The following SH3RF3 variants were observed in gnomAD, a reference collection of about 807,000 sequenced individuals.
SH3RF3 encodes SH3 domain containing ring finger 3, also known as E3 ubiquitin-protein ligase SH3RF3.
SH3RF3 carries 29 observed loss-of-function variants against 66.3 expected under a neutral mutation model. The observed-to-expected ratio is 0.44, with a 90% CI of 0.33 to 0.60. SH3RF3 has a LOEUF of 0.60. Among genes scored for constraint, SH3RF3 ranks in the 20% least tolerant of loss-of-function variants. SH3RF3 has a pLI of 0.04. For synonymous variants in SH3RF3, 583 were observed against 532.0 expected, an observed-to-expected ratio of 1.10 and a Z score of -1.32; for missense variants, 1,194 against 1,190.9, an observed-to-expected ratio of 1.00 and a Z score of -0.04.
intron 4 of SH3RF3, among the ~76,000 whole-genome samples, chr2:109,417,334 C>T (rs1676752687): frequency 6.6e-6 from 1 of 152,174 alleles, no homozygotes; most frequent in Non-Finnish European, 1.5e-5. Flanking sequence ...CTGGGGAGTT[C>T]TCTAGAAGGA....
At chr2:109,399,246 C>A (rs982959633) in intron 4 of SH3RF3, among the ~76,000 whole-genome samples, 1 of 152,192 alleles carries the variant, frequency 6.6e-6, no homozygotes, top group Non-Finnish European at 1.5e-5. Flanking sequence ...CCGTGTCAGT[C>A]GGCTTCCAGA....
At chr2:109,172,398 A>G (rs1011077560) in intron 1 of SH3RF3, among the ~76,000 whole-genome samples, 1 of 152,212 alleles carries the variant, frequency 6.6e-6, no homozygotes, top group African/African-American at 2.4e-5. Flanking sequence ...CTGCTCCTGG[A>G]GGTCTTCCTT....
chr2:109,497,441 A>G (rs1048405603), intron 9 of SH3RF3, among the ~76,000 whole-genome samples: 1 of 152,206 alleles, frequency 6.6e-6, no homozygotes, highest in African/African-American at 2.4e-5. Context: ...ATAATAATGG[A>G]ATGAGAATTC....
At chr2:109,432,375 C>A in intron 5 of SH3RF3, 126 bp from the exon 6 acceptor site, 1 of 1,207,262 alleles carries the variant, frequency 8.3e-7, no homozygotes, top group Non-Finnish European at 1.2e-6. Context: ...CTGCAGAGCC[C>A]CCATAGACTC....
chr2:109,292,182 GTTTC>G (rs1172406481), intron 1 of SH3RF3, among the ~76,000 whole-genome samples: 1 of 152,192 alleles, frequency 6.6e-6, no homozygotes, highest in East Asian at 1.9e-4. Context: ...ATTTTTAAAT[GTTTC>G]TTTCTAATTA....
At chr2:109,200,576 A>C (rs1266196890) in intron 1 of SH3RF3, among the ~76,000 whole-genome samples, 1 of 152,082 alleles carries the variant, frequency 6.6e-6, no homozygotes, top group Non-Finnish European at 1.5e-5. Flanking sequence ...TCTTCTAGGC[A>C]CCGCCGACCT....
chr2:109,277,302 T>C (rs1261037552), intron 1 of SH3RF3, among the ~76,000 whole-genome samples: 1 of 152,218 alleles, frequency 6.6e-6, no homozygotes, highest in Non-Finnish European at 1.5e-5. Flanking sequence ...ATCACTGAGG[T>C]TTGCAGATGA....
intron 1 of SH3RF3, among the ~76,000 whole-genome samples, chr2:109,271,290 T>C (rs1340406451): frequency 6.6e-6 from 1 of 152,144 alleles, no homozygotes; most frequent in Admixed American, 6.6e-5. Flanking sequence ...CCTACCTTGT[T>C]TGGTGTGAAA....
At chr2:109,247,356 T>G (rs1468862290) in intron 1 of SH3RF3, among the ~76,000 whole-genome samples, 1 of 152,214 alleles carries the variant, frequency 6.6e-6, no homozygotes, top group Non-Finnish European at 1.5e-5. Flanking sequence ...TTCGTTAGTT[T>G]CTAGATCAGT....
chr2:109,416,821 G>A (rs546698352), intron 4 of SH3RF3, among the ~76,000 whole-genome samples: 14 of 150,816 alleles, frequency 9.3e-5, no homozygotes, highest in Admixed American at 7.3e-4. Context: ...CGGGAGAATC[G>A]CCTGAGCCCA....
chr2:109,263,139 C>T (rs1260525383), intron 1 of SH3RF3, among the ~76,000 whole-genome samples: 2 of 152,208 alleles, frequency 1.3e-5, no homozygotes, highest in Non-Finnish European at 2.9e-5. Flanking sequence ...AGCCACCACG[C>T]CCAGCCGCAA....
At chr2:109,148,542 C>T (rs1423136359) in intron 1 of SH3RF3, among the ~76,000 whole-genome samples, 1 of 152,216 alleles carries the variant, frequency 6.6e-6, no homozygotes, top group African/African-American at 2.4e-5. Context: ...GGGAATATTA[C>T]TGCTGACTGG....
intron 1 of SH3RF3, among the ~76,000 whole-genome samples, chr2:109,250,790 T>G (rs896451817): frequency 1.3e-5 from 2 of 151,910 alleles, no homozygotes; most frequent in African/African-American, 2.4e-5. Context: ...AGTGCTTCAA[T>G]AGGGAATTAG....
intron 1 of SH3RF3, among the ~76,000 whole-genome samples, chr2:109,330,446 A>G (rs1467945333): frequency 2.0e-5 from 3 of 152,074 alleles, no homozygotes; most frequent in Non-Finnish European, 4.4e-5. Flanking sequence ...TCGATACATT[A>G]TGACTCTAAA....
chr2:109,366,958 T>C (rs1425054160), intron 2 of SH3RF3, among the ~76,000 whole-genome samples: 1 of 152,156 alleles, frequency 6.6e-6, no homozygotes, highest in Non-Finnish European at 1.5e-5. Flanking sequence ...TTTGAATTTA[T>C]TTTATTTTAT....
chr2:109,432,401 G>A (rs1204811201), intron 5 of SH3RF3, 100 bp from the exon 6 acceptor site: 21 of 1,478,314 alleles, frequency 1.4e-5, no homozygotes, highest in Non-Finnish European at 1.9e-5. Context: ...GGTCTTTTTA[G>A]GTTGGGTTCC....
chr2:109,261,085 C>G (rs1680343261), intron 1 of SH3RF3, among the ~76,000 whole-genome samples: 2 of 152,176 alleles, frequency 1.3e-5, no homozygotes, highest in Admixed American at 6.5e-5. Context: ...TTACACGGGT[C>G]CATTTCTGCC....
intron 4 of SH3RF3, among the ~76,000 whole-genome samples, chr2:109,399,373 T>C (rs1676242571): frequency 6.6e-6 from 1 of 152,198 alleles, no homozygotes; most frequent in African/African-American, 2.4e-5. Flanking sequence ...AGAATCAGAA[T>C]CAACTACATT....
chr2:109,239,582 C>T (rs992394393), intron 1 of SH3RF3, among the ~76,000 whole-genome samples: 5 of 152,162 alleles, frequency 3.3e-5, no homozygotes, highest in African/African-American at 1.2e-4. Flanking sequence ...CCATTGTTTG[C>T]ACACACGAGA....
Sources: allele counts gnomAD v4.1 joint callset (sites outside exome capture counted in the v4.1 genomes callset), GRCh38; gene constraint gnomAD v4.1.1; transcripts MANE v1.5; gene names NCBI Gene and HGNC (gene_info 2026-07-23, HGNC 2026-07-21).